Variants in CCSER2 observed in about 807,000 individuals in gnomAD.
The protein encoded by CCSER2 is coiled-coil serine rich protein 2.
Under a neutral mutation model 92.3 loss-of-function variants are expected in CCSER2, and 46 were observed. The ratio of observed to expected loss-of-function variants is 0.50; its 90% CI spans 0.39 to 0.64. The LOEUF (loss-of-function observed/expected upper bound fraction) is 0.64, where lower values mean the gene tolerates loss of function less well. CCSER2 is among the 30% of genes least tolerant of loss of function. The pLI, the probability that CCSER2 is intolerant of heterozygous loss-of-function variation, is 0.00. For missense variants in CCSER2, 1,244 were observed against 1,238.9 expected (o/e 1.00, Z -0.06); for synonymous variants, 433 against 431.4 (o/e 1.00, Z -0.04).
At chr10:84,460,599 C>T (rs895442024) in intron 6 of CCSER2, among the ~76,000 whole-genome samples, 14 of 151,290 alleles carry the variant, frequency 9.3e-5, no homozygotes, top group African/African-American at 2.9e-4. Flanking sequence ...CATCTGGCCT[C>T]AGATTTTTTT....
intron 3 of CCSER2, among the ~76,000 whole-genome samples, chr10:84,383,573 G>T (rs1220326465): frequency 6.6e-6 from 1 of 152,126 alleles, no homozygotes; most frequent in African/African-American, 2.4e-5. Flanking sequence ...GCCTCCCAAA[G>T]TGCTGGGATT....
intron 2 of CCSER2, among the ~76,000 whole-genome samples, chr10:84,373,408 T>C (rs573058163): frequency 5.3e-5 from 8 of 152,246 alleles, no homozygotes; most frequent in East Asian, 3.9e-4. Context: ...TGAATTTTCT[T>C]TTCCTCTATT....
chr10:84,401,015 G>A (rs976068331), intron 3 of CCSER2, among the ~76,000 whole-genome samples: 2 of 152,138 alleles, frequency 1.3e-5, no homozygotes, highest in African/African-American at 4.8e-5. Flanking sequence ...TGAACTGAAT[G>A]AGAATGAAAA....
intron 6 of CCSER2, among the ~76,000 whole-genome samples, chr10:84,447,621 A>T (rs1296121007): frequency 6.6e-6 from 1 of 152,180 alleles, no homozygotes; most frequent in African/African-American, 2.4e-5. Context: ...TCTTGCTCTG[A>T]GGCCATAAAA....
At chr10:84,513,252 ATTT>A (rs1045000531) in intron 9 of CCSER2, among the ~76,000 whole-genome samples, 194 bp from the exon 10 acceptor site, 1 of 151,938 alleles carries the variant, frequency 6.6e-6, no homozygotes, top group Non-Finnish European at 1.5e-5. Context: ...TGCCTGTATC[ATTT>A]TTTGTTTGCA....
intron 1 of CCSER2, among the ~76,000 whole-genome samples, chr10:84,346,917 A>C (rs986432978): frequency 1.3e-5 from 2 of 152,080 alleles, no homozygotes; most frequent in Non-Finnish European, 2.9e-5. Context: ...TCCTAGGCAG[A>C]GGACCCTGTG....
chr10:84,330,261 T>C (rs1043324651), intron 1 of CCSER2, among the ~76,000 whole-genome samples: 1 of 152,238 alleles, frequency 6.6e-6, no homozygotes, highest in African/African-American at 2.4e-5. Flanking sequence ...CCATTATGCC[T>C]GCCCTCTCTA....
intron 1 of CCSER2, among the ~76,000 whole-genome samples, chr10:84,344,353 A>T (rs1844365688): frequency 6.6e-6 from 1 of 152,106 alleles, no homozygotes; most frequent in South Asian, 2.1e-4. Flanking sequence ...AAAAGTATTA[A>T]AGGTTTTTTT....
At chr10:84,384,019 G>A (rs1250440237) in intron 3 of CCSER2, among the ~76,000 whole-genome samples, 1 of 152,110 alleles carries the variant, frequency 6.6e-6, no homozygotes, top group Non-Finnish European at 1.5e-5. Flanking sequence ...ACATCTCTAT[G>A]TGCACAAACT....
intron 1 of CCSER2, among the ~76,000 whole-genome samples, chr10:84,364,054 A>G (rs1025510816): frequency 4.0e-5 from 6 of 151,664 alleles, no homozygotes; most frequent in Non-Finnish European, 7.4e-5. Context: ...TAAACATAGA[A>G]AAGTTACAAT....
At chr10:84,507,344 A>AT in intron 9 of CCSER2, 1 of 984,412 alleles carries the variant, frequency 1.0e-6, no homozygotes, top group Non-Finnish European at 1.2e-6. Context: ...GTACAGTACA[A>AT]TTTCGGATTT....
chr10:84,403,602 T>G (rs1842231021), intron 3 of CCSER2, among the ~76,000 whole-genome samples: 2 of 152,036 alleles, frequency 1.3e-5, no homozygotes, highest in Non-Finnish European at 2.9e-5. Flanking sequence ...TATCAGCAAT[T>G]TAATTAGAAA....
At chr10:84,431,612 C>T (rs927678040) in intron 5 of CCSER2, among the ~76,000 whole-genome samples, 8 of 151,904 alleles carry the variant, frequency 5.3e-5, no homozygotes, top group African/African-American at 1.5e-4. Flanking sequence ...CGTGGTGGCA[C>T]GTGTCTATAG....
chr10:84,487,156 A>G (rs1301613172), intron 9 of CCSER2, among the ~76,000 whole-genome samples: 15 of 152,128 alleles, frequency 9.9e-5, no homozygotes, highest in Admixed American at 6.5e-5. Flanking sequence ...GCCTTGTAGT[A>G]TAGTTTGAAG....
intron 8 of CCSER2, among the ~76,000 whole-genome samples, chr10:84,471,252 T>C (rs1846779483): frequency 6.6e-6 from 1 of 152,048 alleles, no homozygotes; most frequent in South Asian, 2.1e-4. Context: ...TCAAATATTA[T>C]GATTAAAGGA....
At chr10:84,411,436 G>A (rs1327044839) in intron 3 of CCSER2, among the ~76,000 whole-genome samples, 2 of 152,164 alleles carry the variant, frequency 1.3e-5, no homozygotes, top group African/African-American at 2.4e-5. Context: ...CCATCCATGA[G>A]TGTGGAATGG....
intron 7 of CCSER2, among the ~76,000 whole-genome samples, chr10:84,466,629 C>T (rs1172806345): frequency 5.9e-5 from 9 of 151,388 alleles, no homozygotes; most frequent in South Asian, 4.2e-4. Context: ...CTCAGCCTCC[C>T]GAGTGGCTGG....
At chr10:84,393,468 CT>C (rs551823628) in intron 3 of CCSER2, among the ~76,000 whole-genome samples, 19 of 151,382 alleles carry the variant, frequency 1.3e-4, no homozygotes, top group African/African-American at 4.1e-4. Flanking sequence ...TCTAAGCTTT[CT>C]TTTTTTTTGT....
intron 3 of CCSER2, among the ~76,000 whole-genome samples, chr10:84,400,031 AT>A (rs1269068816): frequency 6.6e-6 from 1 of 151,924 alleles, no homozygotes; most frequent in Non-Finnish European, 1.5e-5. Flanking sequence ...CTATTTGTAT[AT>A]CTTTAGAGAA....
Sources: allele counts gnomAD v4.1 joint callset (sites outside exome capture counted in the v4.1 genomes callset), GRCh38; gene constraint gnomAD v4.1.1; transcripts MANE v1.5; gene names NCBI Gene and HGNC (gene_info 2026-07-23, HGNC 2026-07-21).